Variants in AFAP1 observed in about 807,000 individuals in gnomAD.
AFAP1 encodes actin filament associated protein 1.
Under a neutral mutation model 93.9 loss-of-function variants are expected in AFAP1, and 75 were observed. The ratio of observed to expected loss-of-function variants is 0.80; its 90% CI spans 0.66 to 0.97. The LOEUF is 0.97. Ranked by LOEUF, AFAP1 falls within the 50% of genes least tolerant of loss-of-function variation. AFAP1 has a pLI of 0.00. For missense variants in AFAP1, 1,201 were observed against 1,050.8 expected (o/e 1.14, Z -1.98); for synonymous variants, 517 against 430.7 (o/e 1.20, Z -2.48).
chr4:7,843,121 C>G lies in AFAP1; in HGVS notation c.546+18G>C. 6.2e-7 allele frequency: 1 copy of G among 1,610,410 alleles called. No homozygotes were observed. The highest frequency in any genetic ancestry group is 8.5e-7 in the Non-Finnish European group (1 of 1,177,852). On this transcript the variant is annotated intron_variant, in intron 5 of 17. Coordinates refer to ENST00000420658, the MANE Select transcript of AFAP1 (RefSeq NM_001134647.2). ...GCAGCAATCTTACAAAAAATGCAAG[C>G]GATTCCAAATGTCTTACCAGCAGTT...
chr4:7,921,495 T>A (rs1389821018), intron 1 of AFAP1, among the ~76,000 whole-genome samples: 5 of 144,662 alleles, frequency 3.5e-5, no homozygotes, highest in East Asian at 2.0e-4. Context: ...ACTTTTTTTT[T>A]AACCTATCTA....
At chr4:7,873,540 G>C (rs1717250498) in intron 1 of AFAP1, among the ~76,000 whole-genome samples, 1 of 151,332 alleles carries the variant, frequency 6.6e-6, no homozygotes. Flanking sequence ...AGTAGAGACG[G>C]GGTTTCACCG....
At chr4:7,813,461 T>C (rs28719944) in intron 8 of AFAP1, among the ~76,000 whole-genome samples, 29,816 of 152,160 alleles carry the variant, frequency 0.2, 3,520 homozygotes, top group African/African-American at 0.31. Flanking sequence ...AATACAGATA[T>C]ATTTGCTTAC....
chr4:7,871,330 G>A (rs577593116), intron 2 of AFAP1, among the ~76,000 whole-genome samples: 61 of 152,236 alleles, frequency 4.0e-4, no homozygotes, highest in African/African-American at 1.3e-3. Context: ...TGCCTGTACT[G>A]TTTGTGTAAA....
At position 7,793,748 on chromosome 4, in the gene AFAP1, G is replaced by C. The variant is rs777807231; in HGVS notation, c.1345C>G (p.Leu449Val). ...ETGSSTDPEA[L>V]HYDYIDVEMS... is the part of the protein sequence containing the mutation. Reference sequence around the variant, plus strand: ...TCCACATCAATGTAGTCATAGTGCAGAGCCTCCGGGTCTGTGGACGATCCC... The same window carrying C: ...TCCACATCAATGTAGTCATAGTGCACAGCCTCCGGGTCTGTGGACGATCCC... The change falls in exon 11 of 18, where the codon CTG (leucine) becomes GTG (valine). Residue 449 changes from leucine (L) to valine (V), a missense_variant. Leu to Val is a conservative substitution (Grantham distance 32). Coordinates refer to ENST00000420658, the MANE Select transcript of AFAP1 (RefSeq NM_001134647.2). 11 of 1,577,856 alleles carry C rather than the reference G, an allele frequency of 7.0e-6. No individual in the cohort carries two copies. In the Admixed American group the frequency reaches 1.0e-4, roughly 14 times the overall value.
intron 6 of AFAP1, among the ~76,000 whole-genome samples, chr4:7,822,591 T>C (rs1443239626): frequency 5.4e-5 from 5 of 93,420 alleles, no homozygotes; most frequent in Non-Finnish European, 1.3e-4. Context: ...TTTTTCTTTT[T>C]TTTTTTTTTT....
chr4:7,850,375 C>CA (rs1714297781), intron 4 of AFAP1, among the ~76,000 whole-genome samples: 1 of 152,192 alleles, frequency 6.6e-6, no homozygotes, highest in Admixed American at 6.5e-5. Context: ...CGTTTACACA[C>CA]ACACCCACAC....
rs543432867 is a variant in AFAP1 at position 7,821,097 on chromosome 4, G to A, written c.727-1926C>T. Among the ~76,000 whole-genome samples, 70 of 152,282 alleles carry A rather than the reference G, an allele frequency of 4.6e-4. No individual in the cohort carries two copies. The East Asian group carries it at 0.01, about 22-fold the overall frequency. ...CGCACCACTGCACTCCAGCCTGGGC[G>A]ACAAGAGTGAAACTCCATCTCCAAA... On this transcript the variant is annotated intron_variant, in intron 6 of 17. Coordinates refer to ENST00000420658, the MANE Select transcript of AFAP1 (RefSeq NM_001134647.2).
chr4:7,921,988 T>A (rs1188130307), intron 1 of AFAP1, among the ~76,000 whole-genome samples: 1 of 152,092 alleles, frequency 6.6e-6, no homozygotes, highest in Non-Finnish European at 1.5e-5. Context: ...CTGGGCATGG[T>A]GGTGCATGCC....
intron 9 of AFAP1, among the ~76,000 whole-genome samples, chr4:7,807,455 C>T (rs560630370): frequency 1.8e-4 from 27 of 152,310 alleles, no homozygotes; most frequent in Middle Eastern, 3.4e-3. Flanking sequence ...GACAGCACTT[C>T]GGCAGGGTGG....
At chr4:7,926,600 TAG>T (rs1720781515) in intron 1 of AFAP1, among the ~76,000 whole-genome samples, 1 of 152,148 alleles carries the variant, frequency 6.6e-6, no homozygotes, top group Non-Finnish European at 1.5e-5. Flanking sequence ...GTGGACTATT[TAG>T]AGTGTAGTTT....
At chr4:7,878,895 G>T (rs1717679586) in intron 1 of AFAP1, among the ~76,000 whole-genome samples, 1 of 152,164 alleles carries the variant, frequency 6.6e-6, no homozygotes, top group Admixed American at 6.5e-5. Context: ...CCCGGTGGAA[G>T]AAGCTCCTAA....
intron 1 of AFAP1, among the ~76,000 whole-genome samples, chr4:7,907,291 T>G (rs1181413560): frequency 6.6e-6 from 1 of 152,180 alleles, no homozygotes; most frequent in Non-Finnish European, 1.5e-5. Flanking sequence ...CTGGGCTCAC[T>G]AAAGATGACC....
chr4:7,827,915 C>T (rs141050327), intron 6 of AFAP1, among the ~76,000 whole-genome samples: 3 of 152,098 alleles, frequency 2.0e-5, no homozygotes, highest in South Asian at 2.1e-4. Context: ...CCAGAAGATT[C>T]GCTGTATAAA....
intron 1 of AFAP1, among the ~76,000 whole-genome samples, chr4:7,926,349 A>G (rs1720737006): frequency 6.6e-6 from 1 of 152,216 alleles, no homozygotes. Flanking sequence ...CGCAGTTATC[A>G]GCAGTAAAAG....
chr4:7,771,508 T>G (rs1163518835), intron 16 of AFAP1, among the ~76,000 whole-genome samples: 1 of 151,944 alleles, frequency 6.6e-6, no homozygotes, highest in East Asian at 1.9e-4. Context: ...GTTGGATGAG[T>G]GGAATGAATG....
chr4:7,820,372 A>G (rs1261578951), intron 6 of AFAP1, among the ~76,000 whole-genome samples: 3 of 152,224 alleles, frequency 2.0e-5, no homozygotes, highest in African/African-American at 7.2e-5. Context: ...GCCACTGGCA[A>G]AAGGATGATG....
intron 15 of AFAP1, 33 bp from the exon 16 acceptor site, chr4:7,773,043 G>C: frequency 6.3e-7 from 1 of 1,591,398 alleles, no homozygotes; most frequent in Non-Finnish European, 8.5e-7. Context: ...TACTCCCGCG[G>C]CAGGCACAGG....
At chr4:7,901,994 T>G (rs952301722) in intron 1 of AFAP1, among the ~76,000 whole-genome samples, 2 of 152,202 alleles carry the variant, frequency 1.3e-5, no homozygotes, top group African/African-American at 4.8e-5. Context: ...ATGCTTAATT[T>G]GCTTATATAA....
Sources: gnomAD v4.1 joint callset for allele counts (sites outside exome capture counted in the v4.1 genomes callset) on GRCh38, gnomAD v4.1.1 for gene constraint, MANE v1.5 for transcripts, NCBI Gene and HGNC (gene_info 2026-07-23, HGNC 2026-07-21) for gene names.